Variants in PPM1H observed in about 807,000 individuals in gnomAD.
The protein encoded by PPM1H is protein phosphatase, Mg2+/Mn2+ dependent 1H, also known as protein phosphatase 1H.
Under a neutral mutation model 54.9 loss-of-function variants are expected in PPM1H, and 27 were observed. The ratio of observed to expected loss-of-function variants is 0.49; its 90% confidence interval spans 0.36 to 0.68. PPM1H has a LOEUF of 0.68. PPM1H is among the 30% of genes least tolerant of loss of function. The pLI, the probability that PPM1H is intolerant of heterozygous loss-of-function variation, is 0.00. For synonymous variants in PPM1H, 305 were observed against 270.8 expected (o/e 1.13, Z -1.24); for missense variants, 596 against 667.8 (o/e 0.89, Z 1.19).
At chr12:62,700,529 T>C (rs163691) in intron 6 of PPM1H, among the ~76,000 whole-genome samples, 14,296 of 152,254 alleles carry the variant, frequency 0.094, 1,914 homozygotes, top group African/African-American at 0.3. Flanking sequence ...TAACATTATG[T>C]CAAATACTGT....
At chr12:62,748,075 G>A (rs1208794910) in intron 4 of PPM1H, among the ~76,000 whole-genome samples, 2 of 152,024 alleles carry the variant, frequency 1.3e-5, no homozygotes, top group African/African-American at 2.4e-5. Flanking sequence ...TGGAGTAAAA[G>A]GTATTAAAAG....
intron 3 of PPM1H, among the ~76,000 whole-genome samples, chr12:62,800,896 C>T (rs1443721832): frequency 6.6e-5 from 10 of 152,208 alleles, no homozygotes; most frequent in Non-Finnish European, 1.5e-4. Flanking sequence ...GTGGCACTCT[C>T]CCGAGGACAT....
intron 6 of PPM1H, among the ~76,000 whole-genome samples, chr12:62,710,027 G>A (rs1373459663): frequency 4.6e-5 from 7 of 151,640 alleles, no homozygotes; most frequent in Admixed American, 1.3e-4. Context: ...CCGAGATCAC[G>A]CCATTCATTG....
intron 6 of PPM1H, among the ~76,000 whole-genome samples, chr12:62,703,639 G>A (rs1286776809): frequency 6.6e-6 from 1 of 152,012 alleles, no homozygotes; most frequent in African/African-American, 2.4e-5. Flanking sequence ...GGCCTGGCTG[G>A]ACAGGAACAG....
In PPM1H at chr12:62,802,021, G is replaced by A. The variant is rs749939955; in HGVS notation, c.551C>T (p.Ser184Phe). 2 of 1,613,438 alleles carry A rather than the reference G, an allele frequency of 1.2e-6. No homozygotes were observed. The highest frequency in any genetic ancestry group is 1.7e-6 in the Non-Finnish European group (2 of 1,179,794). ...LQDIVDILKN[S>F]AVLPPTCLGE... is the part of the protein sequence containing the mutation. ...CAGGCAGGTAGGGGGCAGGACGGCG[G>A]AGTTCTTCAGGATGTCCACGATGTC... is the stretch of plus-strand genomic sequence containing the variant. The change falls in exon 3 of 10, where the codon TCC (serine) becomes TTC (phenylalanine). Residue 184 changes from serine to phenylalanine, a missense_variant. By Grantham distance (155) the Ser-to-Phe change is radical. Coordinates refer to ENST00000228705, the MANE Select transcript of PPM1H (RefSeq NM_020700.2).
In PPM1H at chr12:62,876,662, G is replaced by A. The variant is rs139251372; in HGVS notation, c.246-44383C>T. Among the ~76,000 whole-genome samples, 17 of 152,274 alleles carry A rather than the reference G, an allele frequency of 1.1e-4. No homozygotes were observed. The South Asian group carries it at 1.2e-3, about 11-fold the overall frequency. Reference sequence around the variant, plus strand: ...AGGACGTAGAACTGGCCCCAAGAGCGGAAACCAGCTGAACAAGGTGAAACA... The same window carrying A: ...AGGACGTAGAACTGGCCCCAAGAGCAGAAACCAGCTGAACAAGGTGAAACA... On this transcript the variant is annotated intron_variant, in intron 1 of 9. Coordinates refer to ENST00000228705, the MANE Select transcript of PPM1H (RefSeq NM_020700.2).
chr12:62,729,769 T>C (rs1296774909), intron 5 of PPM1H, among the ~76,000 whole-genome samples: 1 of 152,236 alleles, frequency 6.6e-6, no homozygotes, highest in Non-Finnish European at 1.5e-5. Context: ...ATCCATGTTG[T>C]GTGTAACTGC....
intron 8 of PPM1H, among the ~76,000 whole-genome samples, chr12:62,667,965 A>C (rs1008967778): frequency 1.4e-4 from 22 of 152,090 alleles, no homozygotes; most frequent in African/African-American, 5.3e-4. Context: ...CTCTGACACT[A>C]CCTTCATGTT....
intron 1 of PPM1H, among the ~76,000 whole-genome samples, chr12:62,927,783 A>T (rs1442762325): frequency 1.3e-5 from 2 of 151,810 alleles, no homozygotes; most frequent in Non-Finnish European, 2.9e-5. Flanking sequence ...ATCAGCTTTT[A>T]TTTTTTTTAA....
At chr12:62,832,383 T>A in intron 1 of PPM1H, 104 bp from the exon 2 acceptor site, 1 of 1,073,200 alleles carries the variant, frequency 9.3e-7, no homozygotes, top group Non-Finnish European at 1.3e-6. Flanking sequence ...GGCCCAGAAC[T>A]ACAGCCCTGC....
At chr12:62,932,157 T>C (rs1274486916) in intron 1 of PPM1H, among the ~76,000 whole-genome samples, 1 of 151,740 alleles carries the variant, frequency 6.6e-6, no homozygotes, top group Non-Finnish European at 1.5e-5. Context: ...AACTTTAAAA[T>C]TTGTAACATT....
intron 5 of PPM1H, among the ~76,000 whole-genome samples, chr12:62,737,229 A>AAC (rs1555192972): frequency 1.9e-4 from 28 of 151,260 alleles, no homozygotes; most frequent in Admixed American, 7.3e-4. Context: ...AAAAAAAAAA[A>AAC]AAACAAAAAA....
At chr12:62,816,662 T>C (rs1026798902) in intron 2 of PPM1H, among the ~76,000 whole-genome samples, 1 of 151,966 alleles carries the variant, frequency 6.6e-6, no homozygotes, top group Non-Finnish European at 1.5e-5. Flanking sequence ...TAAGGTTAAA[T>C]AAATTAATAC....
Position 62,832,206 on chromosome 12 carries a change from CCTT to C in PPM1H, c.316_318del (p.Lys106del), listed in dbSNP as rs758729406. ...TTTGGGGTTGAGGTCACGGCCCCTG[CCTT>C]CTTCTTCACAGTGAGCACCTCACAG... On this transcript the variant is annotated inframe_deletion, in exon 2 of 10. Coordinates refer to ENST00000228705, the MANE Select transcript of PPM1H (RefSeq NM_020700.2). 13 of 1,613,550 alleles carry C rather than the reference CCTT, an allele frequency of 8.1e-6. No individual in the cohort carries two copies. Among genetic ancestry groups the C allele is most frequent in the Admixed American group, 1.7e-5 (1 of 59,988 alleles).
chr12:62,772,368 C>T (rs754879364), intron 4 of PPM1H, among the ~76,000 whole-genome samples: 2 of 152,144 alleles, frequency 1.3e-5, no homozygotes, highest in Non-Finnish European at 2.9e-5. Flanking sequence ...TAACCATTGC[C>T]CCATTCTGTG....
chr12:62,743,113 G>A (rs1483598242), intron 4 of PPM1H, among the ~76,000 whole-genome samples: 1 of 152,152 alleles, frequency 6.6e-6, no homozygotes, highest in Non-Finnish European at 1.5e-5. Flanking sequence ...CACTTTGGGA[G>A]GCCAAGGGGG....
intron 6 of PPM1H, among the ~76,000 whole-genome samples, chr12:62,714,429 G>A (rs1414780256): frequency 3.3e-5 from 5 of 152,152 alleles, no homozygotes; most frequent in African/African-American, 9.7e-5. Flanking sequence ...GAAAATTATC[G>A]TGATGTATCA....
At chr12:62,781,053 A>T (rs909654721) in intron 4 of PPM1H, among the ~76,000 whole-genome samples, 3 of 152,118 alleles carry the variant, frequency 2.0e-5, no homozygotes. Flanking sequence ...CTACAACTAC[A>T]CTTTCCCAGG....
chr12:62,711,931 C>A (rs189576954), intron 6 of PPM1H, among the ~76,000 whole-genome samples: 1 of 152,224 alleles, frequency 6.6e-6, no homozygotes, highest in East Asian at 1.9e-4. Flanking sequence ...TGGCCTCCTG[C>A]GCAGGAGGGC....
Sources: allele counts gnomAD v4.1 joint callset (sites outside exome capture counted in the v4.1 genomes callset), GRCh38; gene constraint gnomAD v4.1.1; transcripts MANE v1.5; gene names NCBI Gene and HGNC (gene_info 2026-07-23, HGNC 2026-07-21).